Variants in PRKN observed in about 807,000 individuals in gnomAD.
PRKN encodes E3 ubiquitin-protein ligase parkin.
PRKN carries 56 observed loss-of-function variants against 59.5 expected under a neutral mutation model. The ratio of observed to expected loss-of-function variants is 0.94; its 90% CI spans 0.76 to 1.18. The LOEUF (loss-of-function observed/expected upper bound fraction) is 1.18. Among genes scored for constraint, PRKN ranks in the 50% most tolerant of loss-of-function variants. The pLI, the probability that PRKN is intolerant of heterozygous loss-of-function variation, is 0.00. For synonymous variants in PRKN, 250 were observed against 222.1 expected (o/e 1.13, Z -1.12); for missense variants, 657 against 596.4 (o/e 1.10, Z -1.06).
chr6:162,567,317 A>C (rs1180640636), intron 1 of PRKN, among the ~76,000 whole-genome samples: 6 of 152,190 alleles, frequency 3.9e-5, no homozygotes, highest in Admixed American at 3.9e-4. Context: ...ATTGTAAAGG[A>C]AGAAGTCAAA....
At chr6:162,686,767 T>C (rs1314604462) in intron 1 of PRKN, among the ~76,000 whole-genome samples, 2 of 152,154 alleles carry the variant, frequency 1.3e-5, no homozygotes, top group Non-Finnish European at 2.9e-5. Flanking sequence ...CCTGAGAACA[T>C]CTCAGAATAC....
At chr6:161,540,491 ATT>A (rs994607370) in intron 9 of PRKN, among the ~76,000 whole-genome samples, 3 of 152,214 alleles carry the variant, frequency 2.0e-5, no homozygotes, top group Non-Finnish European at 2.9e-5. Flanking sequence ...TCAAAAATAC[ATT>A]TGAGGCAAAT....
chr6:161,505,535 T>G (rs1778133668), intron 9 of PRKN, among the ~76,000 whole-genome samples: 1 of 152,182 alleles, frequency 6.6e-6, no homozygotes, highest in South Asian at 2.1e-4. Flanking sequence ...TTTAATGAGA[T>G]CCCATTTGTC....
rs146065098 is a variant in PRKN, at chr6:162,049,824, C to T, written c.618+4267G>A. 2.5e-3 allele frequency among the ~76,000 whole-genome samples: 387 copies of T among 152,174 alleles called. 1 individual carries two copies. The highest frequency in any genetic ancestry group is 9.0e-3 in the African/African-American group (372 of 41,520). ...CCAGTTGTTGATATCCTCCAGTTGC[C>T]GAGTGACTCTCTCCTGATGTCGTGG... On this transcript the variant is annotated intron_variant, in intron 5 of 11. Coordinates refer to ENST00000366898, the MANE Select transcript of PRKN (RefSeq NM_004562.3).
At chr6:162,433,907 G>A (rs1346031749) in intron 2 of PRKN, among the ~76,000 whole-genome samples, 1 of 152,108 alleles carries the variant, frequency 6.6e-6, no homozygotes, top group African/African-American at 2.4e-5. Flanking sequence ...GTGGGTTCTC[G>A]CATTCCTCAT....
intron 1 of PRKN, among the ~76,000 whole-genome samples, chr6:162,500,169 CTTCTTTTT>C (rs1177076481): frequency 5.7e-5 from 8 of 139,506 alleles, no homozygotes; most frequent in African/African-American, 2.1e-4. Flanking sequence ...TTTCTCTTTT[CTTCTTTTT>C]TTTTTTTTTT....
chr6:161,861,726 C>A (rs1372246032), intron 6 of PRKN, among the ~76,000 whole-genome samples: 1 of 151,722 alleles, frequency 6.6e-6, no homozygotes, highest in Non-Finnish European at 1.5e-5. Flanking sequence ...GTCTCACAAT[C>A]TGTTTTTTCC....
intron 7 of PRKN, among the ~76,000 whole-genome samples, chr6:161,697,920 A>G (rs963126503): frequency 3.3e-5 from 5 of 152,100 alleles, no homozygotes; most frequent in Admixed American, 6.6e-5. Context: ...TTCTGTATTT[A>G]TAGATTCATT....
chr6:162,166,758 C>T (rs1189924994), intron 4 of PRKN, among the ~76,000 whole-genome samples: 1 of 152,156 alleles, frequency 6.6e-6, no homozygotes, highest in Non-Finnish European at 1.5e-5. Context: ...CCTTACCCAA[C>T]AGCATGAAGA....
rs530515466 is a variant in PRKN, at chr6:162,133,074, C to T, written c.534+68057G>A. Among the ~76,000 whole-genome samples, 5 of 152,158 alleles carry T rather than the reference C, an allele frequency of 3.3e-5. No homozygotes were observed. In the South Asian group the frequency reaches 8.3e-4, roughly 25 times the overall value. ...TGGGCACAGTGGACTTAGGGTTTTACTGTGAATGTGATGGGCAGGCAGATG... is the reference window on the plus strand; with the variant it reads ...TGGGCACAGTGGACTTAGGGTTTTATTGTGAATGTGATGGGCAGGCAGATG... On this transcript the variant is annotated intron_variant, in intron 4 of 11. Transcript: ENST00000366898.
chr6:162,048,950 T>A (rs1777505092), intron 5 of PRKN, among the ~76,000 whole-genome samples: 1 of 152,152 alleles, frequency 6.6e-6, no homozygotes, highest in Non-Finnish European at 1.5e-5. Flanking sequence ...ATCCCCTTTT[T>A]AATCTCAAGC....
intron 1 of PRKN, among the ~76,000 whole-genome samples, chr6:162,677,789 C>T (rs746048767): frequency 9.2e-5 from 14 of 152,118 alleles, no homozygotes; most frequent in Non-Finnish European, 1.5e-4. Flanking sequence ...CAAAGGACAA[C>T]GTATTTTTTG....
At chr6:162,441,711 A>T (rs1377866887) in intron 2 of PRKN, among the ~76,000 whole-genome samples, 2 of 152,200 alleles carry the variant, frequency 1.3e-5, no homozygotes, top group Admixed American at 1.3e-4. Flanking sequence ...ATCCCCTGAG[A>T]AGCCTAGGAC....
In PRKN at chr6:161,571,001, T is replaced by C. The variant is rs567433565; in HGVS notation, c.872-1585A>G. Among the ~76,000 whole-genome samples the C allele has an allele frequency of 1.1e-4, 17 of 152,318 alleles. No homozygotes were observed. The South Asian group carries it at 3.1e-3, about 28-fold the overall frequency. ...CAGGCTGGGGTGCAGTGTGTAATCA[T>C]GGCTCATTGCAGCCTTGACCTCCTG... is the stretch of plus-strand genomic sequence containing the variant. On this transcript the variant is annotated intron_variant, in intron 7 of 11. Transcript: ENST00000366898.
At chr6:162,015,324 T>C (rs1039429925) in intron 5 of PRKN, among the ~76,000 whole-genome samples, 1 of 152,138 alleles carries the variant, frequency 6.6e-6, no homozygotes, top group Non-Finnish European at 1.5e-5. Flanking sequence ...TTTCCCTCAA[T>C]TGCAGTAACA....
chr6:162,588,071 C>T (rs1317115828), intron 1 of PRKN, among the ~76,000 whole-genome samples: 1 of 148,124 alleles, frequency 6.8e-6, no homozygotes, highest in Non-Finnish European at 1.5e-5. Flanking sequence ...AGTGCAGTGG[C>T]ACTATCTTGG....
chr6:161,798,660 A>G (rs904446386), intron 6 of PRKN, among the ~76,000 whole-genome samples: 8 of 152,314 alleles, frequency 5.3e-5, no homozygotes, highest in African/African-American at 1.9e-4. Flanking sequence ...TCCCTGGGAG[A>G]CTTATGAGAG....
chr6:162,320,433 A>AC (rs1459356305), intron 2 of PRKN, among the ~76,000 whole-genome samples: 1 of 138,702 alleles, frequency 7.2e-6, no homozygotes, highest in South Asian at 2.3e-4. Context: ...AAAAAAAAAA[A>AC]CCCCACAAAA....
At chr6:161,835,183 T>C (rs1218819994) in intron 6 of PRKN, among the ~76,000 whole-genome samples, 5 of 152,140 alleles carry the variant, frequency 3.3e-5, no homozygotes, top group Non-Finnish European at 7.3e-5. Flanking sequence ...AAAGGGGGAA[T>C]CATTTTTATT....
Sources: allele counts gnomAD v4.1 joint callset (sites outside exome capture counted in the v4.1 genomes callset), GRCh38; gene constraint gnomAD v4.1.1; transcripts MANE v1.5; gene names NCBI Gene and HGNC (gene_info 2026-07-23, HGNC 2026-07-21).